The following FAM193A variants were observed in gnomAD, a reference collection of about 807,000 sequenced individuals.
FAM193A encodes the protein protein FAM193A.
Under a neutral mutation model 126.5 loss-of-function variants are expected in FAM193A, and 22 were observed. That is an observed-to-expected ratio of 0.17 (90% CI 0.12 to 0.25). The LOEUF (loss-of-function observed/expected upper bound fraction) is 0.25, where lower values mean the gene tolerates loss of function less well. FAM193A is among the 10% of genes least tolerant of loss of function. The probability of loss-of-function intolerance (pLI) is 1.00; values close to 1 mark genes in which losing one functional copy is unlikely to be tolerated. For synonymous variants in FAM193A, 761 were observed against 646.8 expected (o/e 1.18, Z -2.68); for missense variants, 1,675 against 1,672.8 (o/e 1.00, Z -0.02).
In FAM193A at chr4:2,542,545, T is replaced by A. The variant is rs531194999; in HGVS notation, c.255+5375T>A. ...ACTCTTTATGGTAACTGGGGTAAAA[T>A]ATTCTTGACACAGATCACAGAAAGT... On this transcript the variant is annotated intron_variant, in intron 1 of 20. Transcript: ENST00000637812. Among the ~76,000 whole-genome samples, 15 of 152,340 alleles carry A rather than the reference T, an allele frequency of 9.8e-5. No individual in the cohort carries two copies. In the East Asian group the frequency reaches 2.7e-3, roughly 27 times the overall value.
At chr4:2,711,474 G>A (rs551397242) in intron 19 of FAM193A, among the ~76,000 whole-genome samples, 2 of 151,694 alleles carry the variant, frequency 1.3e-5, no homozygotes, top group African/African-American at 4.8e-5. Flanking sequence ...CGAGTAGCTG[G>A]GATTACAGGC....
intron 7 of FAM193A, chr4:2,655,218 TGA>T: frequency 1.9e-6 from 1 of 531,090 alleles, no homozygotes; most frequent in Non-Finnish European, 3.4e-6. Context: ...TATTTCTAGT[TGA>T]TTTAGGCTAT....
At chr4:2,536,590 G>A (rs903508927), upstream of FAM193A, 1 of 139,166 alleles carries the variant, frequency 7.2e-6, no homozygotes, top group East Asian at 2.5e-4. Flanking sequence ...GGGGGGTGGG[G>A]GCCCACACCC....
chr4:2,700,563 G>A lies in FAM193A; in HGVS notation c.4372+19G>A, dbSNP rs185159407. 3 of 1,597,138 alleles carry A rather than the reference G, an allele frequency of 1.9e-6. No homozygotes were observed. The highest frequency in any genetic ancestry group is 4.5e-5 in the East Asian group (2 of 44,732). On this transcript the variant is annotated intron_variant, in intron 19 of 20. Transcript: ENST00000637812. Reference sequence around the variant, plus strand: ...TCAATTGGTAAATACAGAATAGCGGGAAGGTATTTCTGAGCGATGCCTGGT... The same window carrying A: ...TCAATTGGTAAATACAGAATAGCGGAAAGGTATTTCTGAGCGATGCCTGGT...
At chr4:2,545,054 G>A (rs369058638) in intron 1 of FAM193A, among the ~76,000 whole-genome samples, 1 of 151,742 alleles carries the variant, frequency 6.6e-6, no homozygotes, top group African/African-American at 2.4e-5. Context: ...GTGCAGTGGC[G>A]TGATCTCGGC....
At chr4:2,612,187 C>A (rs1054512180) in intron 2 of FAM193A, among the ~76,000 whole-genome samples, 1 of 151,334 alleles carries the variant, frequency 6.6e-6, no homozygotes, top group African/African-American at 2.4e-5. Context: ...TGTAAGAAAT[C>A]TTTGCTACTC....
chr4:2,575,186 G>C (rs1739514064), intron 1 of FAM193A, among the ~76,000 whole-genome samples: 3 of 152,288 alleles, frequency 2.0e-5, no homozygotes, highest in Admixed American at 2.0e-4. Context: ...GATGTCAGAG[G>C]CCTATGCCCC....
At chr4:2,605,779 C>T (rs971763174) in intron 2 of FAM193A, among the ~76,000 whole-genome samples, 1 of 152,000 alleles carries the variant, frequency 6.6e-6, no homozygotes, top group African/African-American at 2.4e-5. Flanking sequence ...CGAGACCAGC[C>T]TGGCCAACAT....
Position 2,699,661 on chromosome 4 carries a change from C to A in FAM193A, c.3508-19C>A. 2 of 1,574,510 alleles carry A rather than the reference C, an allele frequency of 1.3e-6. No homozygotes were observed. Among genetic ancestry groups the A allele is most frequent in the Non-Finnish European group, 1.7e-6 (2 of 1,165,922 alleles). On this transcript the variant is annotated intron_variant, in intron 18 of 20. Transcript: ENST00000637812. ...AGCACTCACTGTAGTCTTAAATTGC[C>A]TTCTTTTTGCATTGGCAGCTGGAGG... is the stretch of plus-strand genomic sequence containing the variant.
intron 6 of FAM193A, among the ~76,000 whole-genome samples, chr4:2,642,659 G>A (rs895331671): frequency 6.6e-6 from 1 of 151,778 alleles, no homozygotes; most frequent in Non-Finnish European, 1.5e-5. Flanking sequence ...TTACTGGTAA[G>A]CCAGTGAGTT....
intron 2 of FAM193A, among the ~76,000 whole-genome samples, chr4:2,606,223 G>C (rs985806185): frequency 6.6e-6 from 1 of 151,378 alleles, no homozygotes; most frequent in Non-Finnish European, 1.5e-5. Flanking sequence ...GCTAATTTTT[G>C]TATTTTTGGT....
intron 2 of FAM193A, among the ~76,000 whole-genome samples, chr4:2,607,189 G>A (rs1204564228): frequency 3.9e-5 from 6 of 152,196 alleles, no homozygotes; most frequent in African/African-American, 1.4e-4. Flanking sequence ...CTCAGGGGTT[G>A]AGATTTATGC....
At chr4:2,649,373 T>TCAA (rs1560520741) in intron 7 of FAM193A, among the ~76,000 whole-genome samples, 342 of 129,082 alleles carry the variant, frequency 2.6e-3, no homozygotes, top group Middle Eastern at 8.2e-3. Flanking sequence ...AGACCCTGTC[T>TCAA]GAAAAAAAAA....
At chr4:2,649,391 A>G (rs1156886841) in intron 7 of FAM193A, among the ~76,000 whole-genome samples, 1 of 144,180 alleles carries the variant, frequency 6.9e-6, no homozygotes, top group Non-Finnish European at 1.5e-5. Flanking sequence ...AAAAAAAAAA[A>G]GCCAGGCTTA....
chr4:2,614,960 GTTTT>G (rs755270086), intron 2 of FAM193A, among the ~76,000 whole-genome samples: 2 of 152,046 alleles, frequency 1.3e-5, no homozygotes, highest in Non-Finnish European at 1.5e-5. Flanking sequence ...CCTGATACCA[GTTTT>G]TTGAGTTTTG....
chr4:2,576,042 A>C (rs75843302), intron 1 of FAM193A, among the ~76,000 whole-genome samples: 2 of 152,284 alleles, frequency 1.3e-5, no homozygotes, highest in Admixed American at 1.3e-4. Context: ...TTTTGGCACT[A>C]CTGAATGATT....
intron 1 of FAM193A, among the ~76,000 whole-genome samples, chr4:2,569,677 T>G (rs993663923): frequency 6.6e-6 from 1 of 151,932 alleles, no homozygotes; most frequent in Non-Finnish European, 1.5e-5. Context: ...TTTAAAACTT[T>G]AAAAAATTTT....
chr4:2,680,816 A>G (rs767328770), intron 13 of FAM193A, among the ~76,000 whole-genome samples: 2 of 151,366 alleles, frequency 1.3e-5, no homozygotes, highest in Non-Finnish European at 2.9e-5. Flanking sequence ...TAATTTTTGT[A>G]TTTTTGGTAG....
At chr4:2,577,417 TTTTTG>T (rs1181777836) in intron 1 of FAM193A, among the ~76,000 whole-genome samples, 2,801 of 133,764 alleles carry the variant, frequency 0.021, 95 homozygotes, top group African/African-American at 0.085. Flanking sequence ...AGTGGTTTTT[TTTTTG>T]TTTTTTTTTT....
Sources: gnomAD v4.1 joint callset for allele counts (sites outside exome capture counted in the v4.1 genomes callset) on GRCh38, gnomAD v4.1.1 for gene constraint, MANE v1.5 for transcripts, NCBI Gene and HGNC (gene_info 2026-07-23, HGNC 2026-07-21) for gene names.